The following GRIP2 variants were observed in gnomAD, a reference collection of about 807,000 sequenced individuals.
GRIP2 encodes glutamate receptor interacting protein 2, also known as glutamate receptor-interacting protein 2.
GRIP2 carries 58 observed loss-of-function variants against 108.3 expected under a neutral mutation model. The observed-to-expected ratio is 0.54, with a 90% CI of 0.43 to 0.67. GRIP2 has a LOEUF of 0.67. GRIP2 is among the 30% of genes least tolerant of loss of function. The pLI is 0.00. For synonymous variants in GRIP2, 586 were observed against 598.2 expected (o/e 0.98, Z 0.30); for missense variants, 1,278 against 1,430.6 (o/e 0.89, Z 1.72).
intron 11 of GRIP2, among the ~76,000 whole-genome samples, chr3:14,515,739 G>A (rs1003481023): frequency 2.0e-5 from 3 of 152,116 alleles, no homozygotes; most frequent in East Asian, 1.9e-4. Flanking sequence ...GGGTTCAAGC[G>A]ATTTTCCCAC....
At chr3:14,591,602 T>C in the GRIP2 span, among the ~76,000 whole-genome samples, 1 of 152,346 alleles carries the variant, frequency 6.6e-6, no homozygotes, top group East Asian at 1.9e-4. Flanking sequence ...GAATAAAGAA[T>C]GACTATTTCC....
chr3:14,564,190 A>T, the GRIP2 span, among the ~76,000 whole-genome samples: 1 of 152,258 alleles, frequency 6.6e-6, no homozygotes, highest in Non-Finnish European at 1.5e-5. Context: ...CCTGCCAAGA[A>T]ACAGGTGGCA....
chr3:14,498,223 A>T (rs1693668673), intron 21 of GRIP2, among the ~76,000 whole-genome samples: 1 of 152,176 alleles, frequency 6.6e-6, no homozygotes, highest in African/African-American at 2.4e-5. Context: ...GCACTTTGGG[A>T]GGCGGAGGCA....
chr3:14,533,074 A>T (rs1694751196), intron 1 of GRIP2, among the ~76,000 whole-genome samples: 1 of 152,252 alleles, frequency 6.6e-6, no homozygotes, highest in Non-Finnish European at 1.5e-5. Context: ...GGTCCTCAGC[A>T]GCTCCGCTCA....
the GRIP2 span, chr3:14,573,377 C>T: frequency 9.8e-6 from 13 of 1,331,378 alleles, no homozygotes; most frequent in Non-Finnish European, 1.4e-5. Context: ...CCAGGTCCCG[C>T]GGGATGGTCA....
At chr3:14,591,094 C>A in the GRIP2 span, among the ~76,000 whole-genome samples, 1 of 152,156 alleles carries the variant, frequency 6.6e-6, no homozygotes, top group Admixed American at 6.5e-5. Flanking sequence ...CAGATGTGGG[C>A]ACAGCACACT....
the GRIP2 span, among the ~76,000 whole-genome samples, chr3:14,595,964 G>A: frequency 3.3e-5 from 5 of 152,266 alleles, no homozygotes; most frequent in Admixed American, 6.5e-5. Flanking sequence ...GGAGGAATGG[G>A]ACGGGGTCCC....
chr3:14,577,889 G>A, the GRIP2 span, among the ~76,000 whole-genome samples: 32 of 152,356 alleles, frequency 2.1e-4, 2 homozygotes, highest in East Asian at 5.2e-3. Context: ...GCTGGCTAAG[G>A]ATGGTGCAAA....
chr3:14,593,258 AAAAAAAC>A, the GRIP2 span, among the ~76,000 whole-genome samples: 1 of 152,178 alleles, frequency 6.6e-6, no homozygotes, highest in African/African-American at 2.4e-5. Context: ...TATTATGGAG[AAAAAAAC>A]ATTCCTGAGA....
At chr3:14,594,678 C>G in the GRIP2 span, among the ~76,000 whole-genome samples, 1 of 152,206 alleles carries the variant, frequency 6.6e-6, no homozygotes, top group Non-Finnish European at 1.5e-5. Flanking sequence ...ATTCACTTCC[C>G]AGTGGTTAAA....
chr3:14,532,745 C>A (rs1190469225), intron 1 of GRIP2, among the ~76,000 whole-genome samples: 1 of 151,792 alleles, frequency 6.6e-6, no homozygotes, highest in Non-Finnish European at 1.5e-5. Context: ...GGGCTGGGCG[C>A]AGACTGAGTC....
the GRIP2 span, among the ~76,000 whole-genome samples, chr3:14,576,527 G>A: frequency 2.6e-4 from 39 of 152,348 alleles, no homozygotes; most frequent in East Asian, 5.8e-3. Context: ...GCTGGGCCAC[G>A]CTGGGCCAGA....
chr3:14,572,821 C>T, the GRIP2 span: 16 of 904,824 alleles, frequency 1.8e-5, no homozygotes, highest in East Asian at 2.9e-4. Flanking sequence ...CCTGCTGGAG[C>T]GCATGGTCCC....
At chr3:14,561,679 C>T in the GRIP2 span, among the ~76,000 whole-genome samples, 5 of 152,346 alleles carry the variant, frequency 3.3e-5, no homozygotes, top group Admixed American at 1.3e-4. Context: ...GCCTGCTTCC[C>T]GAAACAAATT....
the GRIP2 span, among the ~76,000 whole-genome samples, chr3:14,569,209 G>A: frequency 6.6e-6 from 1 of 152,240 alleles, no homozygotes; most frequent in African/African-American, 2.4e-5. Context: ...AGAAGTGACA[G>A]CCAAGACTGA....
chr3:14,503,489 C>A, intron 21 of GRIP2, 77 bp downstream of exon 21: 2 of 979,884 alleles, frequency 2.0e-6, no homozygotes, highest in South Asian at 1.5e-5. Context: ...CATCAGCATG[C>A]CTTCCTCCCA....
chr3:14,546,622 C>G (rs757780106), upstream of GRIP2, among the ~76,000 whole-genome samples: 1 of 152,038 alleles, frequency 6.6e-6, no homozygotes, highest in Non-Finnish European at 1.5e-5. Context: ...TGATGCAAAA[C>G]AGGAAGAAAA....
At chr3:14,533,765 C>G (rs1305456382) in intron 1 of GRIP2, among the ~76,000 whole-genome samples, 1 of 152,196 alleles carries the variant, frequency 6.6e-6, no homozygotes, top group African/African-American at 2.4e-5. Flanking sequence ...AGCTTAGGGA[C>G]AGCGGAGGTG....
In GRIP2 at chr3:14,489,174, A is replaced by G. The variant is rs1377275942; in HGVS notation, c.*4491T>C. 2.0e-5 allele frequency: 3 copies of G among 152,540 alleles called. No individual in the cohort carries two copies. Among genetic ancestry groups the G allele is most frequent in the Admixed American group, 2.0e-4 (3 of 15,274 alleles). 9.4% of individuals were successfully genotyped at this position (152,540 alleles called of 1,614,324 possible). A position where few individuals can be genotyped will look rare whatever the true frequency, so the allele number is the denominator to read the frequency against. On this transcript the variant is annotated 3_prime_UTR_variant, in exon 24 of 24. Coordinates refer to ENST00000621039, the MANE Select transcript of GRIP2 (RefSeq NM_001080423.4). ...GTGTAGTTCAGTCTTGCAGTATACA[A>G]GCTTTTGTGTATAAATGTTTTATGA...
Sources: allele counts gnomAD v4.1 joint callset (sites outside exome capture counted in the v4.1 genomes callset), GRCh38; gene constraint gnomAD v4.1.1; transcripts MANE v1.5; gene names NCBI Gene and HGNC (gene_info 2026-07-23, HGNC 2026-07-21).